The following NCAPG2 variants were observed in gnomAD, a reference collection of about 807,000 sequenced individuals.
NCAPG2 encodes condensin-2 complex subunit G2.
A neutral mutation model predicts 141.1 loss-of-function variants in NCAPG2; 53 were observed. The observed-to-expected ratio is 0.38, with a 90% CI of 0.30 to 0.47. The LOEUF (loss-of-function observed/expected upper bound fraction) is 0.47. NCAPG2 is among the 20% of genes least tolerant of loss of function. NCAPG2 has a pLI of 0.99. For missense variants in NCAPG2, 1,087 were observed against 1,389.0 expected (o/e 0.78, Z 3.46); for synonymous variants, 499 against 490.7 (o/e 1.02, Z -0.22).
At chr7:158,655,784 C>T (rs1490837825) in intron 19 of NCAPG2, among the ~76,000 whole-genome samples, 1 of 152,298 alleles carries the variant, frequency 6.6e-6, no homozygotes, top group Non-Finnish European at 1.5e-5. Flanking sequence ...GGTACAGTCA[C>T]ACTTGAGGGC....
Position 158,643,409 on chromosome 7 carries a change from G to A in NCAPG2, c.3380+880C>T, listed in dbSNP as rs142569654. Reference sequence around the variant, plus strand: ...TTTTTGTATTTTTAGTAGAGATGGGGTTTTACCATGTTGGCCAGGCTGGTC... The same window carrying A: ...TTTTTGTATTTTTAGTAGAGATGGGATTTTACCATGTTGGCCAGGCTGGTC... On this transcript the variant is annotated intron_variant, in intron 27 of 27. Coordinates refer to ENST00000356309, the MANE Select transcript of NCAPG2 (RefSeq NM_017760.7). Among the ~76,000 whole-genome samples, 1,383 of 151,390 alleles carry A rather than the reference G, an allele frequency of 9.1e-3. 21 individuals are homozygous for A. The highest frequency in any genetic ancestry group is 0.031 in the African/African-American group (1,294 of 41,246).
chr7:158,667,550 GCTTACCCACTACTGGGTCCCTCCGCCCTC>G (rs1563539792), intron 13 of NCAPG2, among the ~76,000 whole-genome samples: 3 of 9,272 alleles, frequency 3.2e-4, no homozygotes, highest in African/African-American at 1.1e-3. Flanking sequence ...CCCTCCACCC[GCTTACCCACTACTGGGTCCCTCCGCCCTC>G]CCTTACCCAC....
At chr7:158,688,868 C>A (rs567373654) in intron 6 of NCAPG2, among the ~76,000 whole-genome samples, 47 of 152,310 alleles carry the variant, frequency 3.1e-4, no homozygotes, top group African/African-American at 1.1e-3. Flanking sequence ...GCAGCTGTGA[C>A]ACCTGGAGGA....
Position 158,675,543 on chromosome 7 carries a change from CAGG to C in NCAPG2, c.1257_1259del (p.Leu420del). 2 of 1,613,668 alleles carry C rather than the reference CAGG, an allele frequency of 1.2e-6. No individual in the cohort carries two copies. Among genetic ancestry groups the C allele is most frequent in the Non-Finnish European group, 1.7e-6 (2 of 1,179,924 alleles). ...ATGCCAGTTCCCCAGTCACCTTCTTCAGGAGGTCAATAAGAATGGTCGGGGGCA... is the reference window on the plus strand; with the variant it reads ...ATGCCAGTTCCCCAGTCACCTTCTTCAGGTCAATAAGAATGGTCGGGGGCA... On this transcript the variant is annotated inframe_deletion, in exon 12 of 28. Coordinates refer to ENST00000356309, the MANE Select transcript of NCAPG2 (RefSeq NM_017760.7).
In NCAPG2 at chr7:158,650,684, G is replaced by C. The variant is rs960999800; in HGVS notation, c.3075+148C>G. The C allele has an allele frequency of 8.6e-6, 8 of 934,684 alleles. No individual in the cohort carries two copies. The African/African-American group carries it at 1.3e-4, about 16-fold the overall frequency. The allele number at this position is 934,684 out of a possible 1,614,324, so 57.9% of individuals were successfully genotyped here. On this transcript the variant is annotated intron_variant, in intron 24 of 27. Transcript: ENST00000356309. ...TACTAACTAGCTATCAAACTCTGAG[G>C]TGTAGCTGCTAGGAAAGTGCACCAC...
intron 12 of NCAPG2, among the ~76,000 whole-genome samples, chr7:158,673,740 T>C (rs4909254): frequency 0.54 from 82,786 of 152,094 alleles, 23,102 homozygotes; most frequent in Non-Finnish European, 0.6. Context: ...GGAAACCGGA[T>C]AGCCAGGGGG....
intron 1 of NCAPG2, among the ~76,000 whole-genome samples, chr7:158,702,656 C>A (rs915006008): frequency 1.3e-5 from 2 of 152,106 alleles, no homozygotes; most frequent in African/African-American, 2.4e-5. Flanking sequence ...GCAGTAGGAG[C>A]CCCCTCACTT....
intron 27 of NCAPG2, among the ~76,000 whole-genome samples, chr7:158,641,726 A>G (rs904131571): frequency 4.6e-5 from 7 of 152,258 alleles, no homozygotes; most frequent in Admixed American, 2.0e-4. Context: ...ACAATCATCA[A>G]TGTGTGGACC....
chr7:158,701,964 A>C (rs1471887452), intron 1 of NCAPG2, 26 bp from the exon 2 acceptor site: 1 of 1,302,502 alleles, frequency 7.7e-7, no homozygotes, highest in Non-Finnish European at 1.1e-6. Flanking sequence ...ATCATACTGA[A>C]ACACTTGCAA....
At chr7:158,641,916 G>C (rs563928925) in intron 27 of NCAPG2, among the ~76,000 whole-genome samples, 34 of 152,310 alleles carry the variant, frequency 2.2e-4, no homozygotes, top group African/African-American at 7.7e-4. Context: ...GACGTCTACA[G>C]ACTACTTCCT....
chr7:158,694,536 C>T (rs955165850), intron 2 of NCAPG2, among the ~76,000 whole-genome samples: 5 of 152,118 alleles, frequency 3.3e-5, no homozygotes, highest in South Asian at 2.1e-4. Flanking sequence ...GTCTTGACAG[C>T]GCCGAGGACC....
chr7:158,699,424 G>A (rs569460252), intron 2 of NCAPG2, among the ~76,000 whole-genome samples: 1 of 152,288 alleles, frequency 6.6e-6, no homozygotes, highest in African/African-American at 2.4e-5. Flanking sequence ...TTGCTTATGT[G>A]GGATTTCATA....
intron 24 of NCAPG2, among the ~76,000 whole-genome samples, chr7:158,648,017 C>T (rs1831159776): frequency 6.6e-6 from 1 of 152,150 alleles, no homozygotes; most frequent in Non-Finnish European, 1.5e-5. Flanking sequence ...TCCCACACTT[C>T]CTCTGCCAGG....
intron 27 of NCAPG2, among the ~76,000 whole-genome samples, chr7:158,636,632 C>T (rs1343342710): frequency 6.6e-6 from 1 of 152,046 alleles, no homozygotes; most frequent in East Asian, 1.9e-4. Context: ...GAACTCCCGA[C>T]CTCAGGTGAT....
chr7:158,689,707 C>A, intron 6 of NCAPG2, 112 bp downstream of exon 6: 1 of 979,226 alleles, frequency 1.0e-6, no homozygotes, highest in Non-Finnish European at 1.4e-6. Context: ...GTAAATAGCT[C>A]CTGGTAGCTA....
At chr7:158,681,193 G>T (rs1225543069) in intron 9 of NCAPG2, among the ~76,000 whole-genome samples, 3 of 152,128 alleles carry the variant, frequency 2.0e-5, no homozygotes, top group African/African-American at 4.8e-5. Flanking sequence ...AAGAGCTCAC[G>T]CTTGTTCCAA....
At chr7:158,661,473 G>C (rs1368096956) in intron 16 of NCAPG2, among the ~76,000 whole-genome samples, 1 of 152,128 alleles carries the variant, frequency 6.6e-6, no homozygotes, top group African/African-American at 2.4e-5. Flanking sequence ...GGGGTGGGAA[G>C]GGTTAGCTAA....
intron 13 of NCAPG2, among the ~76,000 whole-genome samples, chr7:158,666,947 A>G (rs908673811): frequency 1.3e-5 from 2 of 151,908 alleles, no homozygotes; most frequent in African/African-American, 4.8e-5. Context: ...GGGCCAGCAC[A>G]CCCATTACTG....
chr7:158,667,218 TC>T, intron 13 of NCAPG2: 1 of 985,408 alleles, frequency 1.0e-6, no homozygotes, highest in Non-Finnish European at 1.2e-6. Context: ...TCTGCCTTCT[TC>T]CTCTGCTCTG....
Sources: allele counts gnomAD v4.1 joint callset (sites outside exome capture counted in the v4.1 genomes callset), GRCh38; gene constraint gnomAD v4.1.1; transcripts MANE v1.5; gene names NCBI Gene and HGNC (gene_info 2026-07-23, HGNC 2026-07-21).